The following CELF2 variants were observed in gnomAD, a reference collection of about 807,000 sequenced individuals.
CELF2 encodes CUGBP Elav-like family member 2.
A neutral mutation model predicts 62.6 loss-of-function variants in CELF2; 8 were observed. The observed-to-expected ratio is 0.13, with a 90% CI of 0.07 to 0.23. CELF2 has a LOEUF of 0.23. Ranked by LOEUF, CELF2 falls within the 10% of genes least tolerant of loss-of-function variation. The pLI is 1.00. For missense variants in CELF2, 333 were observed against 671.0 expected, an observed-to-expected ratio of 0.50 and a Z score of 5.56; for synonymous variants, 258 against 250.0, an observed-to-expected ratio of 1.03 and a Z score of -0.30.
chr10:10,526,923 A>C, the CELF2 span, among the ~76,000 whole-genome samples: 1 of 152,238 alleles, frequency 6.6e-6, no homozygotes, highest in Non-Finnish European at 1.5e-5. Flanking sequence ...CTTGGACCAC[A>C]AGAGGCTGCA....
At chr10:10,763,942 A>G in the CELF2 span, among the ~76,000 whole-genome samples, 3 of 152,206 alleles carry the variant, frequency 2.0e-5, no homozygotes, top group Non-Finnish European at 4.4e-5. Context: ...GAAAGTGCTA[A>G]TGGATATGGT....
At chr10:10,820,873 A>C (rs768276077) in intron 1 of CELF2, among the ~76,000 whole-genome samples, 1 of 152,232 alleles carries the variant, frequency 6.6e-6, no homozygotes, top group Admixed American at 6.5e-5. Context: ...CTACAAGTTC[A>C]TTCTGAGAAT....
At chr10:11,048,909 C>G (rs1325987662) in intron 1 of CELF2, among the ~76,000 whole-genome samples, 4 of 152,294 alleles carry the variant, frequency 2.6e-5, no homozygotes, top group African/African-American at 9.6e-5. Flanking sequence ...AGCACAACAT[C>G]ATTGGAATTG....
chr10:10,594,070 AG>A, the CELF2 span, among the ~76,000 whole-genome samples: 1 of 152,210 alleles, frequency 6.6e-6, no homozygotes. Flanking sequence ...CAGATACAGG[AG>A]TACAAGTGAG....
At chr10:10,830,457 G>A (rs113547417) in intron 1 of CELF2, among the ~76,000 whole-genome samples, 65 of 151,994 alleles carry the variant, frequency 4.3e-4, no homozygotes, top group African/African-American at 1.3e-3. Context: ...AACATAGTTC[G>A]TATAATATGT....
At chr10:11,257,359 G>C (rs201390797) in intron 4 of CELF2, among the ~76,000 whole-genome samples, 6 of 102,752 alleles carry the variant, frequency 5.8e-5, no homozygotes, top group African/African-American at 2.0e-4. Flanking sequence ...AAAAAAAACA[G>C]AATAAAATCT....
At chr10:10,948,012 G>T (rs1240424969) in intron 2 of CELF2, among the ~76,000 whole-genome samples, 2 of 152,200 alleles carry the variant, frequency 1.3e-5, no homozygotes, top group African/African-American at 2.4e-5. Flanking sequence ...CACTGTGTGG[G>T]TGCCCACTTT....
rs1440423653 is a variant in CELF2, at chr10:11,211,086, G to C, written c.272-6339G>C. On this transcript the variant is annotated intron_variant, in intron 2 of 12. Coordinates refer to ENST00000633077, the MANE Select transcript of CELF2 (RefSeq NM_001326342.2). This position sits in a 1 kb window ranked among gnomAD's most constrained non-coding sequence, Gnocchi z 4.8. ...TTGAGACGAGGAGTTTGAGAAGCCT[G>C]AGCTATGTAGCAAGACCCAGTCTCT... 6.6e-6 allele frequency among the ~76,000 whole-genome samples: 1 copy of C among 152,166 alleles called. No homozygotes were observed. The highest frequency in any genetic ancestry group is 1.5e-5 in the Non-Finnish European group (1 of 68,028).
the CELF2 span, among the ~76,000 whole-genome samples, chr10:10,671,688 G>A: frequency 3.0e-4 from 45 of 151,740 alleles, 1 homozygote; most frequent in South Asian, 1.0e-3. Context: ...ATGACTTATG[G>A]TGTGGTGAAT....
At position 11,247,375 on chromosome 10, in the gene CELF2, C is replaced by A. The variant is rs529606491; in HGVS notation, c.355-1778C>A. Among the ~76,000 whole-genome samples, 1 of 152,194 alleles carries A rather than the reference C, an allele frequency of 6.6e-6. No homozygotes were observed. Among genetic ancestry groups the A allele is most frequent in the African/African-American group, 2.4e-5 (1 of 41,450 alleles). On this transcript the variant is annotated intron_variant, in intron 3 of 12. Transcript: ENST00000633077. The surrounding 1 kb of genome is among the most constrained non-coding windows in gnomAD (Gnocchi z 5.4). Reference sequence around the variant, plus strand: ...TTCCTGGGTCACTGCGGGGCTGCCCCGTGAGTTTCACATGCCGGCCCCCCT... The same window carrying A: ...TTCCTGGGTCACTGCGGGGCTGCCCAGTGAGTTTCACATGCCGGCCCCCCT...
At chr10:11,248,937 T>C (rs1308921995) in intron 3 of CELF2, among the ~76,000 whole-genome samples, 1 of 152,230 alleles carries the variant, frequency 6.6e-6, no homozygotes, top group Non-Finnish European at 1.5e-5. Context: ...AGCTTTTAAA[T>C]ATGTTCTGTG....
At chr10:10,543,328 C>G in the CELF2 span, among the ~76,000 whole-genome samples, 3 of 152,132 alleles carry the variant, frequency 2.0e-5, no homozygotes, top group African/African-American at 7.2e-5. Flanking sequence ...AAAAGCAAGT[C>G]TCAAAATTCC....
chr10:11,147,133 C>G (rs773400994), intron 1 of CELF2, among the ~76,000 whole-genome samples: 1 of 152,088 alleles, frequency 6.6e-6, no homozygotes, highest in Non-Finnish European at 1.5e-5. Flanking sequence ...CTGCCAGGCT[C>G]TCTGCTTGAG....
At chr10:11,155,223 C>T (rs1455985655) in intron 1 of CELF2, among the ~76,000 whole-genome samples, 1 of 152,148 alleles carries the variant, frequency 6.6e-6, no homozygotes, top group East Asian at 1.9e-4. Context: ...TTAATGTGAC[C>T]CCTTGGATGA....
chr10:10,646,128 G>A, the CELF2 span, among the ~76,000 whole-genome samples: 2 of 152,172 alleles, frequency 1.3e-5, no homozygotes, highest in African/African-American at 2.4e-5. Flanking sequence ...GTGTTGGTCT[G>A]TTTTTTCCCT....
chr10:10,913,858 A>AGAACGAAGGAAGGAAGGAAG (rs2064060076), intron 1 of CELF2, among the ~76,000 whole-genome samples: 1 of 101,044 alleles, frequency 9.9e-6, no homozygotes, highest in Non-Finnish European at 1.9e-5. Context: ...AGGGAAGGAG[A>AGAACGAAGGAAGGAAGGAAG]GAAGGAAGGA....
At chr10:11,239,439 A>G (rs1471235552) in intron 3 of CELF2, among the ~76,000 whole-genome samples, 1 of 152,084 alleles carries the variant, frequency 6.6e-6, no homozygotes, top group Admixed American at 6.6e-5. Flanking sequence ...ATTCTCTCCA[A>G]TGTGTTCTCT....
chr10:10,732,520 C>CTT, the CELF2 span, among the ~76,000 whole-genome samples: 41 of 110,380 alleles, frequency 3.7e-4, no homozygotes, highest in Non-Finnish European at 5.0e-4. Flanking sequence ...ACTCACTCTC[C>CTT]TTTTTTTTTT....
chr10:11,258,553 T>A (rs1415094545), intron 5 of CELF2, among the ~76,000 whole-genome samples: 2 of 152,142 alleles, frequency 1.3e-5, no homozygotes, highest in Non-Finnish European at 2.9e-5. Flanking sequence ...TAGTTGGAAA[T>A]CACTGTTGTT....
Sources: allele counts gnomAD v4.1 joint callset (sites outside exome capture counted in the v4.1 genomes callset), GRCh38; gene constraint gnomAD v4.1.1; non-coding constraint Gnocchi (gnomAD v3.1); transcripts MANE v1.5; gene names NCBI Gene and HGNC (gene_info 2026-07-23, HGNC 2026-07-21).